EYS: variants seen among roughly 807,000 people sequenced by gnomAD.
The protein encoded by EYS is EGF-like photoreceptor maintenance factor.
A neutral mutation model predicts 282.1 loss-of-function variants in EYS; 250 were observed. That is an observed-to-expected ratio of 0.89 (90% CI 0.80 to 0.98). The LOEUF is 0.98. EYS is among the 50% of genes least tolerant of loss of function. EYS has a pLI of 0.00. For synonymous variants in EYS, 1,355 were observed against 1,282.9 expected, an observed-to-expected ratio of 1.06 and a Z score of -1.20; for missense variants, 4,016 against 3,709.0, an observed-to-expected ratio of 1.08 and a Z score of -2.15.
intron 26 of EYS, among the ~76,000 whole-genome samples, chr6:64,510,845 T>C (rs1355821880): frequency 6.6e-6 from 1 of 152,082 alleles, no homozygotes; most frequent in East Asian, 1.9e-4. Flanking sequence ...TGTTAGAACC[T>C]GCACTGTTTC....
chr6:63,852,178 A>T (rs955207786), intron 36 of EYS, among the ~76,000 whole-genome samples: 1 of 150,544 alleles, frequency 6.6e-6, no homozygotes, highest in African/African-American at 2.4e-5. Context: ...AAAAAAAAAA[A>T]AAAAATCAAT....
chr6:64,963,488 A>C (rs1287301890), intron 14 of EYS, among the ~76,000 whole-genome samples: 1 of 152,178 alleles, frequency 6.6e-6, no homozygotes, highest in African/African-American at 2.4e-5. Context: ...GAATATTGTC[A>C]ACAGTGACCT....
chr6:64,225,246 TG>T (rs1766221923), intron 31 of EYS, among the ~76,000 whole-genome samples: 3 of 152,286 alleles, frequency 2.0e-5, no homozygotes, highest in Admixed American at 2.0e-4. Flanking sequence ...CGTGTAATCA[TG>T]TAAGTCTCCT....
intron 22 of EYS, among the ~76,000 whole-genome samples, chr6:64,657,814 A>C (rs1005676973): frequency 1.3e-5 from 2 of 152,124 alleles, no homozygotes. Flanking sequence ...AACTTTGGTG[A>C]ATCTGACAAT....
chr6:65,604,428 C>A (rs988228560), intron 2 of EYS, among the ~76,000 whole-genome samples: 4 of 151,802 alleles, frequency 2.6e-5, no homozygotes, highest in African/African-American at 9.7e-5. Context: ...TTTAAAAATT[C>A]ACATGGAAAC....
chr6:65,383,839 T>A (rs188665704), intron 8 of EYS, among the ~76,000 whole-genome samples: 1 of 151,898 alleles, frequency 6.6e-6, no homozygotes, highest in African/African-American at 2.4e-5. Context: ...TCCGTTCTCT[T>A]ATTTACCAGG....
At chr6:65,659,372 G>A (rs1218236978) in intron 1 of EYS, among the ~76,000 whole-genome samples, 3 of 151,634 alleles carry the variant, frequency 2.0e-5, no homozygotes, top group East Asian at 3.9e-4. Flanking sequence ...AGCACTTTAT[G>A]AAGGAAAACC....
chr6:63,929,037 C>T, intron 35 of EYS, among the ~76,000 whole-genome samples: 1 of 152,178 alleles, frequency 6.6e-6, no homozygotes, highest in East Asian at 1.9e-4. Flanking sequence ...TGTCCAGTTT[C>T]TATTGAGTCC....
At chr6:64,745,491 C>A (rs936035608) in intron 22 of EYS, among the ~76,000 whole-genome samples, 1 of 151,996 alleles carries the variant, frequency 6.6e-6, no homozygotes, top group Non-Finnish European at 1.5e-5. Context: ...ATTGTATAAC[C>A]ATCACCTCTA....
At position 65,512,173 on chromosome 6, in the gene EYS, C is replaced by T. The variant is rs544380488; in HGVS notation, c.-332-16180G>A. 7.9e-5 allele frequency among the ~76,000 whole-genome samples: 12 copies of T among 152,124 alleles called. No individual in the cohort carries two copies. The South Asian group carries it at 1.5e-3, about 18-fold the overall frequency. On this transcript the variant is annotated intron_variant, in intron 2 of 42. Transcript: ENST00000503581. ...ACATTACTACCTGCAGTTACTCATA[C>T]GCCTTACAGATCCTCTTAGTATAAA... is the stretch of plus-strand genomic sequence containing the variant.
At chr6:64,929,967 A>T (rs546445630) in intron 15 of EYS, among the ~76,000 whole-genome samples, 16 of 152,164 alleles carry the variant, frequency 1.1e-4, no homozygotes, top group Non-Finnish European at 1.9e-4. Context: ...ATAAACATAA[A>T]TAAAATCTGA....
intron 1 of EYS, among the ~76,000 whole-genome samples, chr6:65,640,915 T>A (rs1270731203): frequency 6.6e-6 from 1 of 152,160 alleles, no homozygotes; most frequent in Non-Finnish European, 1.5e-5. Context: ...CAGTAAAATT[T>A]ATTATCTGTG....
intron 5 of EYS, among the ~76,000 whole-genome samples, chr6:65,486,602 T>C (rs1185631339): frequency 6.6e-6 from 1 of 152,158 alleles, no homozygotes; most frequent in African/African-American, 2.4e-5. Context: ...CAAAAGTATC[T>C]AAGATTTTAA....
At chr6:64,336,594 T>A (rs574062064) in intron 29 of EYS, among the ~76,000 whole-genome samples, 1 of 151,988 alleles carries the variant, frequency 6.6e-6, no homozygotes, top group Non-Finnish European at 1.5e-5. Context: ...AAAGAAACAA[T>A]GGATTTAAAT....
chr6:64,352,430 A>G (rs567357731), intron 29 of EYS, among the ~76,000 whole-genome samples: 54 of 151,640 alleles, frequency 3.6e-4, no homozygotes, highest in African/African-American at 1.3e-3. Context: ...TCATTCATCA[A>G]CTTATGAGCA....
intron 5 of EYS, among the ~76,000 whole-genome samples, chr6:65,444,038 A>G (rs1035139264): frequency 3.9e-5 from 6 of 151,906 alleles, no homozygotes; most frequent in African/African-American, 1.4e-4. Context: ...GTTAAAAGTA[A>G]GGTCCCTGTG....
chr6:64,399,457 T>G (rs1378515392), intron 28 of EYS, among the ~76,000 whole-genome samples: 1 of 151,878 alleles, frequency 6.6e-6, no homozygotes, highest in African/African-American at 2.4e-5. Context: ...AGTTTATTTT[T>G]TGAAATTATA....
intron 2 of EYS, among the ~76,000 whole-genome samples, chr6:65,567,252 A>AAT (rs59139403): frequency 0.44 from 64,536 of 148,112 alleles, 14,431 homozygotes; most frequent in African/African-American, 0.55. Context: ...GTGTATGAAT[A>AAT]ATATATATAT....
At chr6:64,770,974 A>G (rs1013368270) in intron 22 of EYS, among the ~76,000 whole-genome samples, 4 of 151,762 alleles carry the variant, frequency 2.6e-5, no homozygotes, top group African/African-American at 9.7e-5. Flanking sequence ...CAAATTGCCA[A>G]ATACAATTGT....
Sources: allele counts gnomAD v4.1 joint callset (sites outside exome capture counted in the v4.1 genomes callset), GRCh38; gene constraint gnomAD v4.1.1; transcripts MANE v1.5; gene names NCBI Gene and HGNC (gene_info 2026-07-23, HGNC 2026-07-21).